Variants in SFR1 observed in about 807,000 individuals in gnomAD.
The protein encoded by SFR1 is SWI5 dependent homologous recombination repair protein 1, also known as swi5-dependent recombination DNA repair protein 1 homolog.
In SFR1, 24 loss-of-function variants were observed where a neutral mutation model predicts 26.2. The observed-to-expected ratio is 0.92, with a 90% CI of 0.66 to 1.29. SFR1 has a LOEUF of 1.29. SFR1 is among the 50% of genes most tolerant of loss of function. The pLI is 0.00. For missense variants in SFR1, 276 were observed against 270.2 expected (o/e 1.02, Z -0.15); for synonymous variants, 77 against 96.6 (o/e 0.80, Z 1.19).
At position 104,125,572 on chromosome 10, in the gene SFR1, G is replaced by C. The variant is rs199859651; in HGVS notation, c.606G>C (p.Leu202Phe). 2 of 1,613,628 alleles carry C rather than the reference G, an allele frequency of 1.2e-6. No homozygotes were observed. The highest frequency in any genetic ancestry group is 1.6e-4 in the Middle Eastern group (1 of 6,076). ...AGTGGAGAAGCTGTAGCCAGCTCTT[G>C]CTTTATGAGTTGCAGTCAGCTGTGT... ...IKKWRSCSQL[L>F]LYELQSAVSE... Residue 202 changes from leucine (L) to phenylalanine (F), a missense_variant, in exon 4 of 4, where the codon TTG becomes TTC. By Grantham distance (22) the Leu-to-Phe change is conservative. Transcript: ENST00000369727.
At chr10:104,123,238 G>A (rs1329128605) in intron 2 of SFR1, 152 bp downstream of exon 2, 5 of 635,038 alleles carry the variant, frequency 7.9e-6, no homozygotes, top group Non-Finnish European at 1.3e-5. Flanking sequence ...TTTCTTCTAA[G>A]GTGACATATA....
intron 1 of SFR1, chr10:104,122,598 T>C: frequency 3.0e-6 from 3 of 985,432 alleles, no homozygotes; most frequent in Non-Finnish European, 3.6e-6. Flanking sequence ...TGAGTCAAGG[T>C]TTCGGCTATA....
At chr10:104,124,455 C>G (rs1207434824) in intron 3 of SFR1, among the ~76,000 whole-genome samples, 1 of 151,666 alleles carries the variant, frequency 6.6e-6, no homozygotes, top group Non-Finnish European at 1.5e-5. Flanking sequence ...ATTAGTAAAA[C>G]TAAAAATGGG....
chr10:104,122,885 C>T (rs757979709), intron 1 of SFR1, 80 bp from the exon 2 acceptor site: 20 of 1,577,734 alleles, frequency 1.3e-5, no homozygotes, highest in Non-Finnish European at 1.5e-5. Context: ...CTTTGTACAC[C>T]AATACAATAT....
At position 104,124,048 on chromosome 10, in the gene SFR1, C is replaced by T. The variant is rs769499887; in HGVS notation, c.470C>T (p.Ala157Val). The T allele has an allele frequency of 1.2e-6, 2 of 1,613,806 alleles. No homozygotes were observed. The highest frequency in any genetic ancestry group is 1.7e-6 in the Non-Finnish European group (2 of 1,179,900). The change falls in exon 3 of 4, where the codon GCC becomes GTC. Residue 157 changes from alanine (A) to valine (V), a missense_variant. By Grantham distance (64) the Ala-to-Val change is moderately conservative. Transcript: ENST00000369727. ...LPKQRLNAEK[A>V]KLVKQVQEKE... ...AAACAAAGATTAAACGCTGAAAAAG[C>T]CAAATTGGTGAAGCAGGTTCAGGAG...
upstream of SFR1, among the ~76,000 whole-genome samples, chr10:104,120,436 A>G (rs1295440876): frequency 1.3e-5 from 2 of 152,192 alleles, no homozygotes; most frequent in Non-Finnish European, 2.9e-5. Context: ...TATTAATCAT[A>G]TGTGAGGCTC....
chr10:104,121,976 C>A (rs906975032), upstream of SFR1: 18 of 549,812 alleles, frequency 3.3e-5, no homozygotes, highest in Non-Finnish European at 5.5e-5. Flanking sequence ...TCTGGGCCTC[C>A]CATCGTGTGG....
At position 104,123,068 on chromosome 10, in the gene SFR1, A is replaced by C. The variant is rs772351872; in HGVS notation, c.117A>C (p.Thr39=). 1 of 1,571,922 alleles carries C rather than the reference A, an allele frequency of 6.4e-7. No homozygotes were observed. ...CTGCGAATCCATCATCTCCCTATAC[A>C]AATAGTTCCCGAAAACAAGTATGAA... ...QASANPSSPY[T]NSSRKQPMSA... The change falls in exon 2 of 4, where the codon ACA becomes ACC. Residue 39 remains threonine, a synonymous_variant. Coordinates refer to ENST00000369727, the MANE Select transcript of SFR1 (RefSeq NM_001002759.2).
rs1449729075 is a variant in SFR1 at position 104,125,511 on chromosome 10, A to G, written c.547-2A>G. ...ACATACATGTTTTTTTTTCTGTTTC[A>G]GAATGATCTGTCTCAGTTACAGTTG... On this transcript the variant is annotated splice_acceptor_variant, in intron 3 of 3. Coordinates refer to ENST00000369727, the MANE Select transcript of SFR1 (RefSeq NM_001002759.2). LOFTEE classifies it high-confidence loss of function. 1 of 1,599,160 alleles carries G rather than the reference A, an allele frequency of 6.3e-7. No homozygotes were observed. The highest frequency in any genetic ancestry group is 2.2e-5 in the East Asian group (1 of 44,822).
chr10:104,123,028 G>C lies in SFR1; in HGVS notation c.77G>C (p.Ser26Thr). Reference protein sequence around the residue: ...SPSDSAVVLPSTPQASANPSS... With the variant: ...SPSDSAVVLPTTPQASANPSS... Reference sequence around the variant, plus strand: ...TCAGACTCAGCTGTGGTTTTACCTAGCACTCCTCAGGCCTCTGCGAATCCA... The same window carrying C: ...TCAGACTCAGCTGTGGTTTTACCTACCACTCCTCAGGCCTCTGCGAATCCA... Residue 26 changes from serine to threonine, a missense_variant, in exon 2 of 4, where the codon AGC becomes ACC. Coordinates refer to ENST00000369727, the MANE Select transcript of SFR1 (RefSeq NM_001002759.2). 2 of 1,613,552 alleles carry C rather than the reference G, an allele frequency of 1.2e-6. No homozygotes were observed. The highest frequency in any genetic ancestry group is 1.7e-4 in the Middle Eastern group (1 of 6,052).
At chr10:104,122,099 C>T, upstream of SFR1, 1 of 1,500,538 alleles carries the variant, frequency 6.7e-7, no homozygotes, top group Non-Finnish European at 9.0e-7. Context: ...AATTGCGCAT[C>T]TTTTCCGCCT....
chr10:104,123,668 A>G (rs749964974), intron 2 of SFR1, 46 bp from the exon 3 acceptor site: 24 of 1,434,332 alleles, frequency 1.7e-5, no homozygotes, highest in Non-Finnish European at 2.2e-5. Flanking sequence ...TGACATTAAG[A>G]ATGTTTTTCT....
At chr10:104,121,108 C>CG (rs960064798), upstream of SFR1, among the ~76,000 whole-genome samples, 1,514 of 129,124 alleles carry the variant, frequency 0.012, 7 homozygotes, top group African/African-American at 0.019. Flanking sequence ...AAGCGGGGCG[C>CG]GGGGGGGGGA....
chr10:104,121,187 G>A (rs1299964951), upstream of SFR1, among the ~76,000 whole-genome samples: 2 of 151,928 alleles, frequency 1.3e-5, no homozygotes, highest in Non-Finnish European at 2.9e-5. Context: ...CGTGAATTTT[G>A]GACCGACACA....
intron 3 of SFR1, 33 bp from the exon 4 acceptor site, chr10:104,125,476 CTAGT>C: frequency 2.0e-6 from 3 of 1,518,728 alleles, no homozygotes; most frequent in African/African-American, 2.8e-5. Flanking sequence ...ACTAGCATGA[CTAGT>C]TATTGACATA....
chr10:104,125,751 A>T lies in SFR1; in HGVS notation c.*47A>T, dbSNP rs762402837. On this transcript the variant is annotated 3_prime_UTR_variant, in exon 4 of 4. Transcript: ENST00000369727. ...TATCTTTGAGAATGACAACTTAATT[A>T]AAAGATACTTAGGCACTTTTTTTTT... 5.1e-6 allele frequency: 7 copies of T among 1,374,482 alleles called. No individual in the cohort carries two copies. The African/African-American group carries it at 1.1e-4, about 21-fold the overall frequency. 85.1% of individuals were successfully genotyped at this position (1,374,482 alleles called of 1,614,324 possible).
intron 1 of SFR1, chr10:104,122,553 G>C: frequency 1.0e-6 from 1 of 985,422 alleles, no homozygotes; most frequent in Non-Finnish European, 1.2e-6. Flanking sequence ...AGCTTGTAGA[G>C]TTCAGGATGG....
At position 104,123,079 on chromosome 10, in the gene SFR1, G is replaced by GA; in HGVS notation, c.132dup (p.Gln45ThrfsTer8). Reference sequence around the variant, plus strand: ...TCATCTCCCTATACAAATAGTTCCCGAAAACAAGTATGAAAATCTTTGTTC... The same window carrying GA: ...TCATCTCCCTATACAAATAGTTCCCGAAAAACAAGTATGAAAATCTTTGTTC... On this transcript the variant is annotated frameshift_variant, in exon 2 of 4. Transcript: ENST00000369727. LOFTEE classifies it high-confidence loss of function. 1 of 1,561,914 alleles carries GA rather than the reference G, an allele frequency of 6.4e-7. No individual in the cohort carries two copies. The highest frequency in any genetic ancestry group is 8.6e-7 in the Non-Finnish European group (1 of 1,156,982).
upstream of SFR1, among the ~76,000 whole-genome samples, chr10:104,121,885 C>CCGCGCG (rs142438981): frequency 3.2e-4 from 49 of 151,914 alleles, no homozygotes; most frequent in Non-Finnish European, 6.6e-4. Flanking sequence ...CGGATCGCGG[C>CCGCGCG]CGCGCGCGCG....
Sources: allele counts gnomAD v4.1 joint callset (sites outside exome capture counted in the v4.1 genomes callset), GRCh38; gene constraint gnomAD v4.1.1; transcripts MANE v1.5; gene names NCBI Gene and HGNC (gene_info 2026-07-23, HGNC 2026-07-21).